The following TECTA variants were observed in gnomAD, a reference collection of about 807,000 sequenced individuals.
The protein encoded by TECTA is tectorin alpha, also known as alpha-tectorin.
Under a neutral mutation model 216.8 loss-of-function variants are expected in TECTA, and 128 were observed. The ratio of observed to expected loss-of-function variants is 0.59; its 90% confidence interval spans 0.51 to 0.68. The LOEUF (loss-of-function observed/expected upper bound fraction) is 0.68. TECTA is among the 30% of genes least tolerant of loss of function. The pLI is 0.00. For synonymous variants in TECTA, 1,089 were observed against 1,117.1 expected (o/e 0.97, Z 0.50); for missense variants, 2,551 against 2,786.2 (o/e 0.92, Z 1.90).
At chr11:121,131,593 A>G (rs1946675594) in intron 10 of TECTA, among the ~76,000 whole-genome samples, 1 of 152,234 alleles carries the variant, frequency 6.6e-6, no homozygotes, top group Non-Finnish European at 1.5e-5. Context: ...GACCATGTTC[A>G]TATTTTGTTA....
Position 121,118,195 on chromosome 11 carries a change from AG to A in TECTA, c.791-108del. ...ATGAGGGTGACCATACCTCCCTAAC[AG>A]GGTTCTTACGTGGATTAAATGGTAT... On this transcript the variant is annotated intron_variant, in intron 6 of 23. Coordinates refer to ENST00000392793, the MANE Select transcript of TECTA (RefSeq NM_005422.4). 3 of 1,398,406 alleles carry A rather than the reference AG, an allele frequency of 2.1e-6. No individual in the cohort carries two copies. In the South Asian group the frequency reaches 3.7e-5, roughly 17 times the overall value. The allele number at this position is 1,398,406 out of a possible 1,614,324, so 86.6% of individuals were successfully genotyped here.
chr11:121,121,481 T>G (rs1367761202), intron 7 of TECTA, among the ~76,000 whole-genome samples: 1 of 152,126 alleles, frequency 6.6e-6, no homozygotes, highest in Non-Finnish European at 1.5e-5. Context: ...GAATTACATT[T>G]GGGGACAAGA....
rs960603615 is a variant in TECTA at position 121,125,292 on chromosome 11, T to A, written c.1204-10T>A. 6 of 1,611,404 alleles carry A rather than the reference T, an allele frequency of 3.7e-6. No individual in the cohort carries two copies. The African/African-American group carries it at 8.0e-5, about 22-fold the overall frequency. On this transcript the variant is annotated splice_polypyrimidine_tract_variant and intron_variant, in intron 7 of 23. Transcript: ENST00000392793. ...GCTCACCTGCCTTTCACTATTACTG[T>A]TGTTGGCAGGTTAATGACCTAGTGA...
chr11:121,188,469 CA>C (rs1267965743), intron 21 of TECTA, among the ~76,000 whole-genome samples: 1 of 152,198 alleles, frequency 6.6e-6, no homozygotes, highest in African/African-American at 2.4e-5. Context: ...AGTTCCACTC[CA>C]CTATAGAACC....
intron 11 of TECTA, among the ~76,000 whole-genome samples, chr11:121,138,376 G>C (rs768383516): frequency 6.6e-6 from 1 of 152,148 alleles, no homozygotes; most frequent in Non-Finnish European, 1.5e-5. Flanking sequence ...TAACCTCCTA[G>C]CTTGGCCACT....
chr11:121,160,097 T>TGTTG, intron 14 of TECTA, 38 bp from the exon 15 acceptor site: 4 of 1,614,006 alleles, frequency 2.5e-6, no homozygotes, highest in Non-Finnish European at 3.4e-6. Flanking sequence ...CAACACCTAC[T>TGTTG]CTAAGCGTAA....
chr11:121,139,509 G>A (rs1946763288), intron 11 of TECTA, among the ~76,000 whole-genome samples: 1 of 152,112 alleles, frequency 6.6e-6, no homozygotes, highest in Non-Finnish European at 1.5e-5. Flanking sequence ...TGGCCAAGAT[G>A]GTGAAAGCCC....
rs1473436882 is a variant in TECTA, at chr11:121,105,729, C to A, written c.65-102C>A. On this transcript the variant is annotated intron_variant, in intron 2 of 23. Transcript: ENST00000392793. This position sits in a 1 kb window ranked among gnomAD's most constrained non-coding sequence, Gnocchi z 5.3. ...GGCAGTATGACTTGCATTCAGCTTG[C>A]AAGCCCTACTGAAAGAAGCTGGCTT... 13 of 1,495,944 alleles carry A rather than the reference C, an allele frequency of 8.7e-6. No individual in the cohort carries two copies. The highest frequency in any genetic ancestry group is 1.2e-5 in the Non-Finnish European group (13 of 1,093,254). 92.7% of individuals were successfully genotyped at this position (1,495,944 alleles called of 1,614,324 possible).
chr11:121,157,739 G>A, intron 13 of TECTA, 102 bp from the exon 14 acceptor site: 1 of 1,563,086 alleles, frequency 6.4e-7, no homozygotes, highest in East Asian at 2.2e-5. Context: ...CCCCATTAAA[G>A]ATAGGCTAGC....
At chr11:121,137,296 A>G in intron 10 of TECTA, 125 bp from the exon 11 acceptor site, 8 of 1,240,450 alleles carry the variant, frequency 6.4e-6, no homozygotes, top group Non-Finnish European at 9.4e-6. Flanking sequence ...ACACAAATGC[A>G]TGCATGCACA....
chr11:121,130,927 AT>A (rs967955703), intron 10 of TECTA, among the ~76,000 whole-genome samples: 2 of 150,574 alleles, frequency 1.3e-5, no homozygotes, highest in African/African-American at 5.0e-5. Context: ...TTAAGATTCC[AT>A]CCCCGGCCGG....
At chr11:121,140,396 C>A (rs547170458) in intron 11 of TECTA, among the ~76,000 whole-genome samples, 1 of 152,348 alleles carries the variant, frequency 6.6e-6, no homozygotes, top group South Asian at 2.1e-4. Context: ...TCCCTCCAGG[C>A]ATGTGCTCTG....
chr11:121,135,885 A>C (rs780989159), intron 10 of TECTA, among the ~76,000 whole-genome samples: 3 of 152,042 alleles, frequency 2.0e-5, no homozygotes, highest in Admixed American at 6.6e-5. Flanking sequence ...ATTGTGACCC[A>C]TTAAAGTAAT....
At chr11:121,158,293 G>A in intron 14 of TECTA, 69 bp downstream of exon 14, 1 of 1,592,330 alleles carries the variant, frequency 6.3e-7, no homozygotes, top group Non-Finnish European at 8.5e-7. Context: ...GACTGTGTAG[G>A]GTTCTCCCAG....
At chr11:121,110,348 A>G (rs181134829) in intron 4 of TECTA, 3 of 152,308 alleles carry the variant, frequency 2.0e-5, no homozygotes, top group African/African-American at 4.8e-5. Context: ...TTCCAATTCC[A>G]TCTGTTTTCC....
At chr11:121,107,266 G>T (rs1946399302) in intron 3 of TECTA, among the ~76,000 whole-genome samples, 1 of 152,214 alleles carries the variant, frequency 6.6e-6, no homozygotes, top group Non-Finnish European at 1.5e-5. Flanking sequence ...CTTCTCTATT[G>T]CACTGTGTGA....
intron 8 of TECTA, among the ~76,000 whole-genome samples, chr11:121,126,755 A>G (rs1946616581): frequency 6.6e-6 from 1 of 152,204 alleles, no homozygotes; most frequent in African/African-American, 2.4e-5. Flanking sequence ...TCAATTCTTA[A>G]GAGTTTTGGT....
chr11:121,169,533 A>C (rs2134198653), intron 20 of TECTA, among the ~76,000 whole-genome samples: 1 of 152,296 alleles, frequency 6.6e-6, no homozygotes, highest in Non-Finnish European at 1.5e-5. Context: ...TAGACAGTTT[A>C]CATTTATTGC....
intron 3 of TECTA, among the ~76,000 whole-genome samples, chr11:121,106,824 G>A (rs1946395117): frequency 1.3e-5 from 2 of 152,130 alleles, no homozygotes; most frequent in African/African-American, 2.4e-5. Context: ...CCTAACGGTG[G>A]TCCCTGAACC....
Sources: gnomAD v4.1 joint callset for allele counts (sites outside exome capture counted in the v4.1 genomes callset) on GRCh38, gnomAD v4.1.1 for gene constraint, Gnocchi (gnomAD v3.1) non-coding constraint, MANE v1.5 for transcripts, NCBI Gene and HGNC (gene_info 2026-07-23, HGNC 2026-07-21) for gene names.